The following ZBTB25 variants were observed in gnomAD, a reference collection of about 807,000 sequenced individuals.
ZBTB25 encodes zinc finger and BTB domain-containing protein 25.
A neutral mutation model predicts 34.2 loss-of-function variants in ZBTB25; 20 were observed. That is an observed-to-expected ratio of 0.58 (90% CI 0.41 to 0.85). The LOEUF is 0.85. Ranked by LOEUF, ZBTB25 falls within the 40% of genes least tolerant of loss-of-function variation. The pLI is 0.00. For synonymous variants in ZBTB25, 175 were observed against 186.4 expected (o/e 0.94, Z 0.50); for missense variants, 437 against 521.8 (o/e 0.84, Z 1.58).
intron 2 of ZBTB25, among the ~76,000 whole-genome samples, chr14:64,451,117 T>C (rs2078364697): frequency 6.6e-6 from 1 of 152,130 alleles, no homozygotes; most frequent in Admixed American, 6.5e-5. Flanking sequence ...TGCAATGAGC[T>C]GAGATCACTG....
rs1378850450 is a variant in ZBTB25 at position 64,503,767 on chromosome 14, C to G, written c.-114G>C. 4 of 268,360 alleles carry G rather than the reference C, an allele frequency of 1.5e-5. No individual in the cohort carries two copies. Among genetic ancestry groups the G allele is most frequent in the Non-Finnish European group, 2.3e-5 (4 of 174,262 alleles). 16.6% of individuals were successfully genotyped at this position (268,360 alleles called of 1,614,324 possible). A position where few individuals can be genotyped will look rare whatever the true frequency, so the allele number is the denominator to read the frequency against. On this transcript the variant is annotated 5_prime_UTR_variant, in exon 1 of 3. Coordinates refer to ENST00000608382, the MANE Select transcript of ZBTB25 (RefSeq NM_006977.5). ...CGGCTCACGCACCCCTCGGCCGCCT[C>G]TCGCGCGGCTTCCCGCGCCGGCAGC...
rs1307193331 is a variant in ZBTB25 at position 64,486,453 on chromosome 14, A to G, written c.*470T>C. On this transcript the variant is annotated 3_prime_UTR_variant, in exon 3 of 3. Coordinates refer to ENST00000608382, the MANE Select transcript of ZBTB25 (RefSeq NM_006977.5). ...ACATTATAACATATGTATAACATAC[A>G]GTTATGCATTAAAGTAACTATTAAT... The G allele has an allele frequency of 2.1e-6, 2 of 962,720 alleles. No individual in the cohort carries two copies. Among genetic ancestry groups the G allele is most frequent in the Non-Finnish European group, 2.5e-6 (2 of 809,040 alleles). The allele number at this position is 962,720 out of a possible 1,614,324, so 59.6% of individuals were successfully genotyped here.
chr14:64,489,540 C>CT (rs372078564), intron 2 of ZBTB25, among the ~76,000 whole-genome samples: 3,988 of 142,456 alleles, frequency 0.028, 164 homozygotes, highest in African/African-American at 0.093. Flanking sequence ...TTTCCTTTTT[C>CT]TTTTTTTTTT....
chr14:64,459,176 C>T (rs1318702400), intron 2 of ZBTB25, among the ~76,000 whole-genome samples: 1 of 152,178 alleles, frequency 6.6e-6, no homozygotes, highest in Non-Finnish European at 1.5e-5. Flanking sequence ...TGCCACCCCA[C>T]ATCTCTTCCT....
At chr14:64,493,534 G>C (rs1037258272) in intron 1 of ZBTB25, among the ~76,000 whole-genome samples, 2 of 152,104 alleles carry the variant, frequency 1.3e-5, no homozygotes, top group African/African-American at 4.8e-5. Context: ...AAAAATATTA[G>C]CAAGGGAAAA....
chr14:64,504,765 C>T (rs1049183871), upstream of ZBTB25: 1 of 377,996 alleles, frequency 2.6e-6, no homozygotes, highest in Non-Finnish European at 4.7e-6. Context: ...CAGCGGAAGT[C>T]CTTTGTTGCA....
chr14:64,464,801 G>A (rs939792376), intron 2 of ZBTB25, among the ~76,000 whole-genome samples: 7 of 152,188 alleles, frequency 4.6e-5, no homozygotes, highest in African/African-American at 7.2e-5. Context: ...ACTATGTAAG[G>A]TATAAGATGG....
In ZBTB25 at chr14:64,488,053, A is replaced by C. The variant is rs188921718; in HGVS notation, c.178T>G (p.Cys60Gly). 6.2e-7 allele frequency: 1 copy of C among 1,609,904 alleles called. No individual in the cohort carries two copies. Residue 60 changes from cysteine to glycine, a missense_variant, in exon 3 of 3, where the codon TGC becomes GGC. Transcript: ENST00000608382. ...ATGTCAGTTGGTTGTATTTTTATGCATTCACTGTTAAAAACAAAAACAGAC... is the reference window on the plus strand; with the variant it reads ...ATGTCAGTTGGTTGTATTTTTATGCCTTCACTGTTAAAAACAAAAACAGAC... ...KMIFIHQTSE[C>G]IKIQPTDIQP...
At chr14:64,463,808 C>A (rs568171493) in intron 2 of ZBTB25, among the ~76,000 whole-genome samples, 3 of 152,066 alleles carry the variant, frequency 2.0e-5, no homozygotes, top group African/African-American at 7.2e-5. Flanking sequence ...CTGTCTTCAC[C>A]TAAATAAGCT....
intron 2 of ZBTB25, chr14:64,453,679 A>T: frequency 1.2e-6 from 1 of 850,102 alleles, no homozygotes; most frequent in Non-Finnish European, 2.0e-6. Flanking sequence ...TCTGACCTAG[A>T]ATGTGGCTAT....
chr14:64,459,922 CTCA>C, intron 2 of ZBTB25: 1 of 1,534,976 alleles, frequency 6.5e-7, no homozygotes, highest in African/African-American at 1.4e-5. Flanking sequence ...AGCCTTAATT[CTCA>C]TCATGTATAA....
At chr14:64,458,632 G>C (rs1264257732) in intron 2 of ZBTB25, 4 of 396,300 alleles carry the variant, frequency 1.0e-5, no homozygotes, top group Non-Finnish European at 1.9e-5. Flanking sequence ...CAGGAGGCTT[G>C]GGGTTCAGAG....
intron 2 of ZBTB25, chr14:64,469,604 A>T (rs1473292889): frequency 6.2e-7 from 1 of 1,612,560 alleles, no homozygotes; most frequent in Non-Finnish European, 8.5e-7. Flanking sequence ...CAAGAATGCT[A>T]TTCAGTTGTC....
intron 1 of ZBTB25, among the ~76,000 whole-genome samples, chr14:64,498,775 A>C (rs2140019660): frequency 6.6e-6 from 1 of 152,030 alleles, no homozygotes; most frequent in Non-Finnish European, 1.5e-5. Flanking sequence ...CTGGGACTAC[A>C]GGCGCCCACC....
At chr14:64,469,185 A>G (rs1234852344) in intron 2 of ZBTB25, 1 of 1,614,160 alleles carries the variant, frequency 6.2e-7, no homozygotes, top group Admixed American at 1.7e-5. Context: ...GTACTTTCTG[A>G]TGTTCCTCCT....
chr14:64,454,546 C>CTT (rs59626407), intron 2 of ZBTB25, among the ~76,000 whole-genome samples: 19 of 133,460 alleles, frequency 1.4e-4, no homozygotes, highest in South Asian at 7.2e-4. Context: ...CCCAACAGTT[C>CTT]TTTTTTTTTT....
At chr14:64,474,739 A>T (rs1378417258), downstream of ZBTB25, among the ~76,000 whole-genome samples, 1 of 152,248 alleles carries the variant, frequency 6.6e-6, no homozygotes, top group Non-Finnish European at 1.5e-5. Context: ...ATTTGATGAC[A>T]TTTGTGAATT....
intron 1 of ZBTB25, among the ~76,000 whole-genome samples, chr14:64,494,415 T>C (rs536259838): frequency 4.6e-5 from 7 of 152,290 alleles, no homozygotes; most frequent in Admixed American, 2.6e-4. Flanking sequence ...AGTGGACCAC[T>C]TGAGGCCAGG....
At chr14:64,496,811 T>C (rs1240716892) in intron 1 of ZBTB25, among the ~76,000 whole-genome samples, 1 of 152,196 alleles carries the variant, frequency 6.6e-6, no homozygotes, top group Non-Finnish European at 1.5e-5. Context: ...AGGGAGATCC[T>C]TATTGACCCA....
Sources: allele counts gnomAD v4.1 joint callset (sites outside exome capture counted in the v4.1 genomes callset), GRCh38; gene constraint gnomAD v4.1.1; transcripts MANE v1.5; gene names NCBI Gene and HGNC (gene_info 2026-07-23, HGNC 2026-07-21).